CDON: variants seen among roughly 807,000 people sequenced by gnomAD.
CDON encodes the protein cell adhesion molecule-related/down-regulated by oncogenes.
A neutral mutation model predicts 120.9 loss-of-function variants in CDON; 73 were observed. The ratio of observed to expected loss-of-function variants is 0.60; its 90% CI spans 0.50 to 0.73. The LOEUF is 0.73. Ranked by LOEUF, CDON falls within the 30% of genes least tolerant of loss-of-function variation. The probability of loss-of-function intolerance (pLI) is 0.00; values close to 1 mark genes in which losing one functional copy is unlikely to be tolerated. For missense variants in CDON, 1,470 were observed against 1,587.3 expected (o/e 0.93, Z 1.26); for synonymous variants, 566 against 573.5 (o/e 0.99, Z 0.19).
rs770935713 is a variant in CDON, at chr11:126,021,458, C to CTACA, written c.135_138dup (p.Val47CysfsTer19). The CTACA allele has an allele frequency of 6.2e-7, 1 of 1,614,056 alleles. No individual in the cohort carries two copies. Among genetic ancestry groups the CTACA allele is most frequent in the Non-Finnish European group, 8.5e-7 (1 of 1,179,980 alleles). ...ACAGGTTGAGCAGAACAATGCAGTACTACAGGTCCACCAAGTTTCTGGACA... is the reference window on the plus strand; with the variant it reads ...ACAGGTTGAGCAGAACAATGCAGTACTACATACAGGTCCACCAAGTTTCTGGACA... On this transcript the variant is annotated frameshift_variant, in exon 3 of 20. Coordinates refer to ENST00000531738, the MANE Select transcript of CDON (RefSeq NM_001378964.1). LOFTEE classifies it high-confidence loss of function.
chr11:126,050,858 T>C (rs1948541614), intron 1 of CDON, among the ~76,000 whole-genome samples: 1 of 152,112 alleles, frequency 6.6e-6, no homozygotes, highest in South Asian at 2.1e-4. Flanking sequence ...CAAAAAGCAA[T>C]ACTTCACTCC....
intron 11 of CDON, among the ~76,000 whole-genome samples, chr11:125,998,731 T>C (rs1472441985): frequency 1.3e-5 from 2 of 152,230 alleles, no homozygotes; most frequent in Admixed American, 6.5e-5. Context: ...GACAGTGACA[T>C]TGCAAATTTG....
rs563862229 is a variant in CDON at position 126,009,399 on chromosome 11, G to A, written c.1552+942C>T. 5.1e-3 allele frequency among the ~76,000 whole-genome samples: 774 copies of A among 152,300 alleles called. 4 individuals are homozygous for A. The highest frequency in any genetic ancestry group is 0.017 in the African/African-American group (723 of 41,570). On this transcript the variant is annotated intron_variant, in intron 8 of 19. Coordinates refer to ENST00000531738, the MANE Select transcript of CDON (RefSeq NM_001378964.1). ...CTGGTCGTGTGGTCCAGACTGTGGC[G>A]GATGGGCCAGGGGAGAGGAACTGTG...
At chr11:126,040,740 G>C (rs1489345474) in intron 1 of CDON, among the ~76,000 whole-genome samples, 1 of 143,116 alleles carries the variant, frequency 7.0e-6, no homozygotes, top group Non-Finnish European at 1.5e-5. Flanking sequence ...GCGTGAACCC[G>C]GGAGGCGGAG....
intron 18 of CDON, among the ~76,000 whole-genome samples, chr11:125,969,753 G>A (rs1945908796): frequency 6.6e-6 from 1 of 152,160 alleles, no homozygotes; most frequent in Non-Finnish European, 1.5e-5. Context: ...TAGTAACACA[G>A]GAAAGGCCTG....
At chr11:125,967,373 CTTTT>C (rs1162948176) in intron 18 of CDON, among the ~76,000 whole-genome samples, 1 of 152,026 alleles carries the variant, frequency 6.6e-6, no homozygotes, top group Non-Finnish European at 1.5e-5. Flanking sequence ...AGACTTTTTG[CTTTT>C]TTAATGATAG....
intron 1 of CDON, among the ~76,000 whole-genome samples, chr11:126,040,211 T>C (rs1017880344): frequency 2.6e-5 from 4 of 152,110 alleles, no homozygotes; most frequent in African/African-American, 4.8e-5. Context: ...TTCCACTCAG[T>C]TTTGCCGTGA....
intron 15 of CDON, among the ~76,000 whole-genome samples, chr11:125,986,415 G>A (rs915566447): frequency 6.6e-6 from 1 of 151,934 alleles, no homozygotes; most frequent in Non-Finnish European, 1.5e-5. Context: ...ATGTACCCTA[G>A]AACTTAAAAG....
chr11:126,015,647 G>T, intron 6 of CDON, 137 bp from the exon 7 acceptor site: 1 of 910,306 alleles, frequency 1.1e-6, no homozygotes, highest in Non-Finnish European at 1.7e-6. Flanking sequence ...TCTTCTGTCT[G>T]CTGTGGTAAT....
intron 1 of CDON, among the ~76,000 whole-genome samples, chr11:126,033,304 AG>A (rs1271973561): frequency 6.6e-6 from 1 of 152,014 alleles, no homozygotes; most frequent in Non-Finnish European, 1.5e-5. Flanking sequence ...GCTGGAGGTA[AG>A]TGGGGTTCTA....
In CDON at chr11:125,981,252, C is replaced by T; in HGVS notation, c.3073G>A (p.Ala1025Thr). 6.2e-7 allele frequency: 1 copy of T among 1,614,128 alleles called. No individual in the cohort carries two copies. The highest frequency in any genetic ancestry group is 8.5e-7 in the Non-Finnish European group (1 of 1,180,000). Residue 1025 changes from alanine (A) to threonine (T), a missense_variant, in exon 17 of 20, where the codon GCA (alanine) becomes ACA (threonine). Physicochemically the swap from Ala to Thr is moderately conservative, Grantham distance 58 (BLOSUM62 0). Coordinates refer to ENST00000531738, the MANE Select transcript of CDON (RefSeq NM_001378964.1). The stretch of plus-strand genomic sequence containing the variant: ...TGAACATTTCCATTTATCTGACTTG[C>T]TCCTGAGAGAGTGGTGTAGTCCACC... ...QMVDYTTLSG[A>T]SQINGNVHGG...
intron 1 of CDON, among the ~76,000 whole-genome samples, chr11:126,032,772 C>A (rs972460916): frequency 1.3e-5 from 2 of 152,146 alleles, no homozygotes; most frequent in African/African-American, 4.8e-5. Context: ...TTTGGGAGGC[C>A]AAGGTGGGTG....
At position 125,983,972 on chromosome 11, in the gene CDON, T is replaced by C. The variant is rs1208082537; in HGVS notation, c.2895A>G (p.Leu965=). The change falls in exon 16 of 20, where the codon TTA becomes TTG. Residue 965 remains leucine, a synonymous_variant. Coordinates refer to ENST00000531738, the MANE Select transcript of CDON (RefSeq NM_001378964.1). ...CCAGCACACAGCCAACGATCAGATA[T>C]AACATGTCACTGCTTCTGGCAGGGC... ...ATSPARSSDM[L]YLIVGCVLGV... 2 of 1,614,152 alleles carry C rather than the reference T, an allele frequency of 1.2e-6. No homozygotes were observed. The highest frequency in any genetic ancestry group is 2.2e-5 in the South Asian group (2 of 91,078).
intron 1 of CDON, among the ~76,000 whole-genome samples, chr11:126,049,010 C>T (rs1025251388): frequency 1.3e-5 from 2 of 152,082 alleles, no homozygotes; most frequent in African/African-American, 2.4e-5. Flanking sequence ...AGCCAACAGG[C>T]GTGAGCCACC....
In CDON at chr11:125,994,969, C is replaced by T. The variant is rs1565512568; in HGVS notation, c.2446G>A (p.Val816Ile). Residue 816 changes from valine (V) to isoleucine (I), a missense_variant, in exon 13 of 20, where the codon GTT becomes ATT. By Grantham distance (29) the Val-to-Ile change is conservative. Transcript: ENST00000531738. ...RSSASRPYQV[V>I]GFPNRFSSRP... Reference sequence around the variant, plus strand: ...CTGGAAAAGCGATTGGGGAACCCAACCACTTGATAAGGACGAGATGCTGAA... The same window carrying T: ...CTGGAAAAGCGATTGGGGAACCCAATCACTTGATAAGGACGAGATGCTGAA... 1.9e-6 allele frequency: 3 copies of T among 1,613,892 alleles called. No individual in the cohort carries two copies. The highest frequency in any genetic ancestry group is 2.2e-5 in the South Asian group (2 of 91,078).
chr11:125,979,047 T>TGACA (rs1251847237), intron 17 of CDON, among the ~76,000 whole-genome samples: 1 of 152,224 alleles, frequency 6.6e-6, no homozygotes, highest in East Asian at 1.9e-4. Flanking sequence ...AATGTTCACT[T>TGACA]GACAGACAGC....
At chr11:126,030,657 GAA>G (rs1353655250) in intron 1 of CDON, among the ~76,000 whole-genome samples, 1 of 152,020 alleles carries the variant, frequency 6.6e-6, no homozygotes, top group African/African-American at 2.4e-5. Flanking sequence ...GATCAGCTAA[GAA>G]AAAATTATTT....
chr11:125,981,406 G>A (rs1344504356), intron 16 of CDON, 77 bp from the exon 17 acceptor site: 6 of 1,420,482 alleles, frequency 4.2e-6, no homozygotes, highest in East Asian at 2.3e-5. Context: ...ACACACGCAT[G>A]CACACATGCA....
intron 11 of CDON, among the ~76,000 whole-genome samples, 188 bp downstream of exon 11, chr11:126,001,531 T>C (rs1284124230): frequency 6.6e-6 from 1 of 152,080 alleles, no homozygotes; most frequent in African/African-American, 2.4e-5. Context: ...TTAATGAAGT[T>C]AAGTACTAAT....
Sources: allele counts gnomAD v4.1 joint callset (sites outside exome capture counted in the v4.1 genomes callset), GRCh38; gene constraint gnomAD v4.1.1; transcripts MANE v1.5; gene names NCBI Gene and HGNC (gene_info 2026-07-23, HGNC 2026-07-21).